The following EML5 variants were observed in gnomAD, a reference collection of about 807,000 sequenced individuals.
EML5 encodes the protein EMAP like 5.
Under a neutral mutation model 250.0 loss-of-function variants are expected in EML5, and 120 were observed. The observed-to-expected ratio is 0.48, with a 90% confidence interval of 0.41 to 0.56. EML5 has a LOEUF of 0.56. Among genes scored for constraint, EML5 ranks in the 20% least tolerant of loss-of-function variants. The pLI is 0.00. For missense variants in EML5, 2,006 were observed against 2,437.6 expected (o/e 0.82, Z 3.73); for synonymous variants, 771 against 806.5 (o/e 0.96, Z 0.75).
chr14:88,677,507 G>C (rs193201454), intron 21 of EML5, among the ~76,000 whole-genome samples: 1 of 152,194 alleles, frequency 6.6e-6, no homozygotes, highest in African/African-American at 2.4e-5. Flanking sequence ...TCATCAGAAT[G>C]ATCAGGCAAC....
At position 88,740,401 on chromosome 14, in the gene EML5, G is replaced by C; in HGVS notation, c.697C>G (p.Gln233Glu). The change falls in exon 5 of 44, where the codon CAA becomes GAA. Residue 233 changes from glutamine to glutamate, a missense_variant. Physicochemically the swap from Gln to Glu is conservative, Grantham distance 29 (BLOSUM62 2). Around this residue, in one of 7 missense-constraint regions of EML5, gnomAD observed 1,375 missense variants for 1,590.3 expected, o/e 0.86. Transcript: ENST00000554922. ...AATGTACTTACAGCATGGGCTCCTT[G>C]TATTGTTCGTATAAGATTGATTCCT... The part of the protein sequence containing the change: ...WKGINLIRTI[Q>E]GAHAAGIFSM... 6.2e-7 allele frequency: 1 copy of C among 1,610,368 alleles called. No homozygotes were observed. Among genetic ancestry groups the C allele is most frequent in the Non-Finnish European group, 8.5e-7 (1 of 1,178,514 alleles).
At chr14:88,627,928 A>G in intron 33 of EML5, 109 bp from the exon 34 acceptor site, 1 of 1,035,792 alleles carries the variant, frequency 9.7e-7, no homozygotes. Flanking sequence ...GTACCAAACA[A>G]AAACTGTACT....
Position 88,783,494 on chromosome 14 carries a change from T to A in EML5, c.197+8813A>T, listed in dbSNP as rs571813323. ...GATGGAAAAAGATATTCCATGCCAA[T>A]AGAAACCAAAAAAGAGCAGGAGTAG... On this transcript the variant is annotated intron_variant, in intron 1 of 43. Coordinates refer to ENST00000554922, the MANE Select transcript of EML5 (RefSeq NM_183387.3). Among the ~76,000 whole-genome samples the A allele has an allele frequency of 3.9e-5, 6 of 152,002 alleles. 1 individual carries two copies.
chr14:88,619,569 T>C (rs998233860), intron 39 of EML5: 1 of 152,236 alleles, frequency 6.6e-6, no homozygotes, highest in Non-Finnish European at 1.5e-5. Context: ...TTCATTAAGA[T>C]AGTTTTCTTC....
rs145653462 is a variant in EML5, at chr14:88,635,522, C to T, written c.4337-1033G>A. On this transcript the variant is annotated intron_variant, in intron 32 of 43. Coordinates refer to ENST00000554922, the MANE Select transcript of EML5 (RefSeq NM_183387.3). ...CAAATGAAAGCTTGAATGTCATCGGCCTAAATATTTTAAAGCTATCCATCA... is the reference window on the plus strand; with the variant it reads ...CAAATGAAAGCTTGAATGTCATCGGTCTAAATATTTTAAAGCTATCCATCA... Among the ~76,000 whole-genome samples the T allele has an allele frequency of 7.2e-5, 11 of 152,196 alleles. No individual in the cohort carries two copies. In the East Asian group the frequency reaches 2.1e-3, roughly 29 times the overall value.
intron 9 of EML5, among the ~76,000 whole-genome samples, chr14:88,713,991 C>T (rs945055812): frequency 2.0e-5 from 3 of 151,688 alleles, no homozygotes; most frequent in Admixed American, 1.3e-4. Flanking sequence ...GTGCATACCA[C>T]CATGCCTGGC....
intron 17 of EML5, among the ~76,000 whole-genome samples, chr14:88,690,005 G>A (rs1295409621): frequency 6.6e-6 from 1 of 152,116 alleles, no homozygotes; most frequent in Non-Finnish European, 1.5e-5. Context: ...TCATCAAGAA[G>A]GTGTATCTAA....
intron 8 of EML5, among the ~76,000 whole-genome samples, chr14:88,720,534 T>C (rs2140002652): frequency 6.6e-6 from 1 of 152,176 alleles, no homozygotes; most frequent in Non-Finnish European, 1.5e-5. Flanking sequence ...GACCATATGA[T>C]TATCTTAATA....
At chr14:88,625,943 T>A (rs965602198) in intron 35 of EML5, 3 of 152,148 alleles carry the variant, frequency 2.0e-5, no homozygotes, top group African/African-American at 7.2e-5. Context: ...AGGAAAGAGA[T>A]GTGGATTGGA....
intron 29 of EML5, 186 bp from the exon 30 acceptor site, chr14:88,644,697 A>T: frequency 2.0e-6 from 1 of 498,218 alleles, no homozygotes. Flanking sequence ...AGAAAATATT[A>T]CAACTTTTAT....
chr14:88,788,411 T>C (rs1455023372), intron 1 of EML5, among the ~76,000 whole-genome samples: 1 of 152,142 alleles, frequency 6.6e-6, no homozygotes, highest in Non-Finnish European at 1.5e-5. Context: ...AAAAAAGCCA[T>C]ACATAGAAGC....
intron 31 of EML5, among the ~76,000 whole-genome samples, chr14:88,641,669 C>A (rs985130071): frequency 6.6e-6 from 1 of 152,010 alleles, no homozygotes; most frequent in African/African-American, 2.4e-5. Flanking sequence ...TGAAGGAACA[C>A]ACCTCAAAAT....
At chr14:88,660,064 T>C (rs1468886836) in intron 25 of EML5, among the ~76,000 whole-genome samples, 2 of 151,912 alleles carry the variant, frequency 1.3e-5, no homozygotes, top group Non-Finnish European at 2.9e-5. Context: ...TCACCTGGGT[T>C]CAGGAGTTTG....
chr14:88,649,917 T>C lies in EML5; in HGVS notation c.4014A>G (p.Val1338=), dbSNP rs1176548542. The part of the protein sequence containing the change: ...KEPSIDERQG[V]VRGSRPPVSR... ...TTCTTTTATAAAACACTTACCTTAC[T>C]ACTCCCTGCCTTCAAAAGGAGCAAG... is the stretch of plus-strand genomic sequence containing the variant. Residue 1338 remains valine, a synonymous_variant, in exon 28 of 44, where the codon GTA becomes GTG. Coordinates refer to ENST00000554922, the MANE Select transcript of EML5 (RefSeq NM_183387.3). The C allele has an allele frequency of 2.7e-6, 4 of 1,492,044 alleles. No individual in the cohort carries two copies. Among genetic ancestry groups the C allele is most frequent in the African/African-American group, 1.4e-5 (1 of 70,300 alleles). The allele number at this position is 1,492,044 out of a possible 1,614,324, so 92.4% of individuals were successfully genotyped here. A position where few individuals can be genotyped will look rare whatever the true frequency, so the allele number is the denominator to read the frequency against.
At chr14:88,668,526 T>A (rs897114293) in intron 21 of EML5, among the ~76,000 whole-genome samples, 7 of 152,078 alleles carry the variant, frequency 4.6e-5, no homozygotes, top group African/African-American at 1.7e-4. Context: ...GGCAGCAGGT[T>A]AAATGGACAA....
intron 14 of EML5, among the ~76,000 whole-genome samples, chr14:88,700,375 C>G (rs1354819871): frequency 1.3e-5 from 2 of 151,860 alleles, no homozygotes; most frequent in Non-Finnish European, 2.9e-5. Context: ...ACCTCTGCAA[C>G]AATTATTTGT....
At chr14:88,752,153 T>C (rs2094105884) in intron 2 of EML5, among the ~76,000 whole-genome samples, 1 of 152,168 alleles carries the variant, frequency 6.6e-6, no homozygotes, top group South Asian at 2.1e-4. Context: ...TAAGTGAAAT[T>C]AAACACTTTC....
Position 88,634,476 on chromosome 14 carries a change from G to T in EML5, c.4350C>A (p.Asp1450Glu). ...VATGQVGDSA[D>E]MSATAPSIHI... ...ATGTTTAGTTTTCCTTACCTGACAT[G>T]TCTGCTGAATCACCTATAATGGAAA... Residue 1450 changes from aspartate to glutamate, a missense_variant, in exon 33 of 44, where the codon GAC becomes GAA. Around this residue, in one of 7 missense-constraint regions of EML5, gnomAD observed 1,375 missense variants for 1,590.3 expected, o/e 0.86. Transcript: ENST00000554922. 1 of 1,472,100 alleles carries T rather than the reference G, an allele frequency of 6.8e-7. No homozygotes were observed. The highest frequency in any genetic ancestry group is 9.1e-7 in the Non-Finnish European group (1 of 1,101,318). 91.2% of individuals were successfully genotyped at this position (1,472,100 alleles called of 1,614,324 possible). A position where few individuals can be genotyped will look rare whatever the true frequency, so the allele number is the denominator to read the frequency against.
chr14:88,621,986 G>C (rs777476372), intron 37 of EML5: 24 of 414,586 alleles, frequency 5.8e-5, no homozygotes, highest in Non-Finnish European at 1.0e-4. Context: ...TTCCTATCTG[G>C]CTGTGTAAAC....
Sources: gnomAD v4.1 joint callset for allele counts (sites outside exome capture counted in the v4.1 genomes callset) on GRCh38, gnomAD v4.1.1 for gene constraint, gnomAD v4.1.1 regional missense constraint, MANE v1.5 for transcripts, NCBI Gene and HGNC (gene_info 2026-07-23, HGNC 2026-07-21) for gene names.